Variants in SLC25A26 observed in about 807,000 individuals in gnomAD.
SLC25A26 encodes solute carrier family 25 member 26.
Under a neutral mutation model 37.8 loss-of-function variants are expected in SLC25A26, and 36 were observed. That is an observed-to-expected ratio of 0.95 (90% confidence interval 0.73 to 1.26). SLC25A26 has a LOEUF of 1.26. SLC25A26 is among the 50% of genes most tolerant of loss of function. SLC25A26 has a pLI of 0.00. For synonymous variants in SLC25A26, 129 were observed against 122.5 expected (o/e 1.05, Z -0.35); for missense variants, 390 against 331.1 (o/e 1.18, Z -1.38).
rs28589457 is a variant in SLC25A26, at chr3:66,243,158, T to C, written c.191-45T>C. The C allele has an allele frequency of 0.018, 16,767 of 908,936 alleles. 1,523 individuals carry two copies. The African/African-American group carries it at 0.22, about 12-fold the overall frequency. 56.3% of individuals were successfully genotyped at this position (908,936 alleles called of 1,614,324 possible). ...GAAACATGTTTCTTAACAGTGTGAA[T>C]ATATGTTTAAACTTTGTGAAAGACT... On this transcript the variant is annotated intron_variant, in intron 2 of 9. Coordinates refer to ENST00000354883, the MANE Select transcript of SLC25A26 (RefSeq NM_001379210.1).
intron 9 of SLC25A26, chr3:66,371,095 A>G: frequency 7.2e-7 from 1 of 1,392,956 alleles, no homozygotes; most frequent in East Asian, 2.6e-5. Flanking sequence ...TTCATGTCCT[A>G]AAAGCTCTCT....
intron 5 of SLC25A26, among the ~76,000 whole-genome samples, chr3:66,343,239 A>T (rs1381761127): frequency 1.3e-5 from 2 of 152,232 alleles, no homozygotes; most frequent in Non-Finnish European, 2.9e-5. Flanking sequence ...TGTGTGGAAC[A>T]CATTTTCATT....
At chr3:66,159,983 T>C (rs2070335072) in intron 1 of SLC25A26, among the ~76,000 whole-genome samples, 1 of 152,162 alleles carries the variant, frequency 6.6e-6, no homozygotes. Context: ...CTGCGCTGCA[T>C]TAATAAAATA....
At position 66,377,753 on chromosome 3, in the gene SLC25A26, G is replaced by A; in HGVS notation, c.771G>A (p.Gly257=). Residue 257 remains glycine (G), a synonymous_variant, in exon 10 of 10, where the codon GGG becomes GGA. Transcript: ENST00000354883. The part of the protein sequence containing the change: ...AISLGGFIFL[G]AYDRTHSLLL... ...GTCTGGGAGGTTTCATCTTTCTGGG[G>A]GCTTATGACCGAACGCACAGCTTGC... 3 of 1,613,814 alleles carry A rather than the reference G, an allele frequency of 1.9e-6. No individual in the cohort carries two copies. Among genetic ancestry groups the A allele is most frequent in the Non-Finnish European group, 1.7e-6 (2 of 1,179,844 alleles).
At chr3:66,260,958 T>G (rs1332207944) in intron 3 of SLC25A26, among the ~76,000 whole-genome samples, 2 of 152,204 alleles carry the variant, frequency 1.3e-5, no homozygotes, top group Non-Finnish European at 2.9e-5. Context: ...AAGCCTTATG[T>G]GATATCCAAA....
At chr3:66,313,882 A>G (rs924704578) in intron 5 of SLC25A26, among the ~76,000 whole-genome samples, 1 of 152,072 alleles carries the variant, frequency 6.6e-6, no homozygotes, top group African/African-American at 2.4e-5. Context: ...CTTTGTAGCA[A>G]TTGTGAATGG....
At chr3:66,281,481 A>G (rs138648325) in intron 5 of SLC25A26, among the ~76,000 whole-genome samples, 1 of 152,218 alleles carries the variant, frequency 6.6e-6, no homozygotes, top group East Asian at 1.9e-4. Context: ...TTTTCTATGA[A>G]TTTGTTAGCT....
At chr3:66,190,198 C>A (rs2070910718) in intron 1 of SLC25A26, among the ~76,000 whole-genome samples, 1 of 151,862 alleles carries the variant, frequency 6.6e-6, no homozygotes, top group Non-Finnish European at 1.5e-5. Context: ...ACCTGTAGTT[C>A]CAGCTACTTG....
upstream of SLC25A26, chr3:66,220,808 C>T (rs1384413127): frequency 5.8e-6 from 3 of 513,572 alleles, no homozygotes; most frequent in East Asian, 3.8e-5. Context: ...ATCTTTTGCT[C>T]GCGAAAGTTC....
intron 5 of SLC25A26, among the ~76,000 whole-genome samples, chr3:66,334,075 C>T (rs1028530327): frequency 4.6e-5 from 7 of 152,248 alleles, no homozygotes; most frequent in Non-Finnish European, 1.0e-4. Flanking sequence ...TTTGTCTAGA[C>T]TTAACAATAG....
At chr3:66,314,104 C>G (rs944981635) in intron 5 of SLC25A26, among the ~76,000 whole-genome samples, 3 of 152,058 alleles carry the variant, frequency 2.0e-5, no homozygotes, top group African/African-American at 7.2e-5. Context: ...TGTTTGAATC[C>G]TTTATTTCTT....
intron 3 of SLC25A26, among the ~76,000 whole-genome samples, chr3:66,249,033 A>G (rs969540244): frequency 6.6e-6 from 1 of 152,180 alleles, no homozygotes; most frequent in Admixed American, 6.5e-5. Context: ...TTCCCTACAT[A>G]ATATTTTAGT....
rs768205197 is a variant in SLC25A26 at position 66,168,198 on chromosome 3, T to TACACAC, written c.-354+34215_-354+34216insCACACA. 1.2e-3 allele frequency among the ~76,000 whole-genome samples: 145 copies of TACACAC among 122,420 alleles called. 1 individual carries two copies. Among genetic ancestry groups the TACACAC allele is most frequent in the South Asian group, 7.2e-3 (28 of 3,866 alleles). 80.3% of individuals were successfully genotyped at this position (122,420 alleles called of 152,430 possible). On this transcript the variant is annotated intron_variant, in intron 1 of 10. Coordinates refer to the SLC25A26 transcript ENST00000676754. Reference sequence around the variant, plus strand: ...ATATGTGTGTGTGTATATATATATATATACACACACACACACACATATATA... The same window carrying TACACAC: ...ATATGTGTGTGTGTATATATATATATACACACATACACACACACACACACATATATA...
intron 2 of SLC25A26, among the ~76,000 whole-genome samples, chr3:66,241,789 C>G (rs2072597104): frequency 6.6e-6 from 1 of 151,852 alleles, no homozygotes; most frequent in Non-Finnish European, 1.5e-5. Context: ...TTTTGTAAAC[C>G]TATGCTGCAG....
Position 66,261,159 on chromosome 3 carries a change from A to G in SLC25A26, c.301-892A>G, listed in dbSNP as rs138939274. Among the ~76,000 whole-genome samples the G allele has an allele frequency of 2.8e-4, 43 of 152,318 alleles. 1 individual carries two copies. Among genetic ancestry groups the G allele is most frequent in the African/African-American group, 9.1e-4 (38 of 41,566 alleles). The stretch of plus-strand genomic sequence containing the variant: ...ATAACTTTCATGTTCAAGGTTACAT[A>G]TGTGAAATCTAAGTTGCAGAAAAAG... On this transcript the variant is annotated intron_variant, in intron 3 of 9. Transcript: ENST00000354883.
At chr3:66,311,761 C>A (rs1016968375) in intron 5 of SLC25A26, among the ~76,000 whole-genome samples, 3 of 152,144 alleles carry the variant, frequency 2.0e-5, no homozygotes, top group African/African-American at 7.2e-5. Flanking sequence ...TGCTGCAGGT[C>A]TGCTGGAGTT....
intron 1 of SLC25A26, among the ~76,000 whole-genome samples, chr3:66,211,148 G>C (rs2071279609): frequency 6.6e-6 from 1 of 152,172 alleles, no homozygotes; most frequent in Admixed American, 6.5e-5. Flanking sequence ...TCTTTTACAA[G>C]AGATCCTTGA....
rs543492521 is a variant in SLC25A26 at position 66,351,288 on chromosome 3, A to G, written c.498+4880A>G. On this transcript the variant is annotated intron_variant, in intron 6 of 9. Coordinates refer to ENST00000354883, the MANE Select transcript of SLC25A26 (RefSeq NM_001379210.1). ...TTCCTTTGTTTTTCTTTTCTTTATT[A>G]TACATATGCTTACAAAAGTATGTTT... Among the ~76,000 whole-genome samples the G allele has an allele frequency of 2.6e-5, 4 of 152,282 alleles. No homozygotes were observed. The South Asian group carries it at 6.2e-4, about 24-fold the overall frequency.
At chr3:66,366,504 A>G (rs2076827214) in intron 7 of SLC25A26, among the ~76,000 whole-genome samples, 1 of 152,236 alleles carries the variant, frequency 6.6e-6, no homozygotes, top group Non-Finnish European at 1.5e-5. Context: ...CTCTCATGGT[A>G]GTAAAGTTAG....
Sources: gnomAD v4.1 joint callset for allele counts (sites outside exome capture counted in the v4.1 genomes callset) on GRCh38, gnomAD v4.1.1 for gene constraint, MANE v1.5 for transcripts, NCBI Gene and HGNC (gene_info 2026-07-23, HGNC 2026-07-21) for gene names.